The following DYRK1A variants were observed in gnomAD, a reference collection of about 807,000 sequenced individuals.
The protein encoded by DYRK1A is dual specificity tyrosine-phosphorylation-regulated kinase 1A.
A neutral mutation model predicts 79.7 loss-of-function variants in DYRK1A; 9 were observed. The ratio of observed to expected loss-of-function variants is 0.11; its 90% CI spans 0.07 to 0.20. The LOEUF (loss-of-function observed/expected upper bound fraction) is 0.20. Among genes scored for constraint, DYRK1A ranks in the 10% least tolerant of loss-of-function variants. DYRK1A has a pLI of 1.00. For missense variants in DYRK1A, 622 were observed against 956.0 expected (o/e 0.65, Z 4.61); for synonymous variants, 349 against 329.7 (o/e 1.06, Z -0.63).
intron 2 of DYRK1A, among the ~76,000 whole-genome samples, chr21:37,436,252 TAAG>T (rs1266806575): frequency 1.3e-5 from 2 of 152,108 alleles, no homozygotes; most frequent in South Asian, 2.1e-4. Flanking sequence ...TAGAGAGTAA[TAAG>T]AAGAAAGAGC....
chr21:37,388,799 C>T (rs2049813743), intron 1 of DYRK1A, among the ~76,000 whole-genome samples: 1 of 151,788 alleles, frequency 6.6e-6, no homozygotes, highest in Non-Finnish European at 1.5e-5. Context: ...TGCCCACCAT[C>T]ATGCCCGGCT....
At position 37,519,877 on chromosome 21, in the gene DYRK1A, G is replaced by A. The variant is rs969676744; in HGVS notation, c.*7346G>A. The A allele has an allele frequency of 6.6e-6, 1 of 152,004 alleles. No individual in the cohort carries two copies. The highest frequency in any genetic ancestry group is 1.5e-5 in the Non-Finnish European group (1 of 68,116). The allele number at this position is 152,004 out of a possible 1,614,324, so 9.4% of individuals were successfully genotyped here. On this transcript the variant is annotated 3_prime_UTR_variant, in exon 12 of 12. Transcript: ENST00000647188. ...CTGCCTCAGCCTCCAGAGTAGCTGG[G>A]ACTACTGGCGCCCGCCACCACGCCC...
intron 2 of DYRK1A, among the ~76,000 whole-genome samples, chr21:37,434,162 T>C (rs995933249): frequency 6.6e-6 from 1 of 152,204 alleles, no homozygotes; most frequent in Non-Finnish European, 1.5e-5. Context: ...GCTCTTCTCT[T>C]GGAATCTGAT....
At chr21:37,492,536 C>T (rs1248754801) in intron 7 of DYRK1A, among the ~76,000 whole-genome samples, 1 of 152,110 alleles carries the variant, frequency 6.6e-6, no homozygotes, top group Non-Finnish European at 1.5e-5. Context: ...TGTGAGACAG[C>T]AAGAGTACAA....
intron 9 of DYRK1A, chr21:37,501,707 A>G (rs924220371): frequency 6.6e-6 from 1 of 152,218 alleles, no homozygotes; most frequent in South Asian, 2.1e-4. Context: ...TGTGCTTGAT[A>G]AGAATTGTAT....
At chr21:37,453,328 A>G (rs8133809) in intron 2 of DYRK1A, among the ~76,000 whole-genome samples, 67,354 of 152,022 alleles carry the variant, frequency 0.44, 15,703 homozygotes, top group East Asian at 0.57. Context: ...ACATATGACT[A>G]TTGTTGACTG....
chr21:37,497,775 G>T (rs1319201850), intron 9 of DYRK1A, among the ~76,000 whole-genome samples: 1 of 151,904 alleles, frequency 6.6e-6, no homozygotes, highest in Non-Finnish European at 1.5e-5. Context: ...AGTTATTTGG[G>T]GTGGGGGCAT....
chr21:37,428,686 G>T (rs1324728149), intron 2 of DYRK1A, among the ~76,000 whole-genome samples: 2 of 152,074 alleles, frequency 1.3e-5, no homozygotes, highest in Non-Finnish European at 2.9e-5. Flanking sequence ...GAAAATTATA[G>T]ATTTGGCCAT....
intron 1 of DYRK1A, among the ~76,000 whole-genome samples, chr21:37,397,665 A>G (rs1263397902): frequency 1.3e-5 from 2 of 152,162 alleles, no homozygotes; most frequent in Non-Finnish European, 2.9e-5. Context: ...AAAGTTGGCC[A>G]TGTTTCAGAA....
At chr21:37,416,317 C>CTTTTTT (rs775621138) in intron 1 of DYRK1A, among the ~76,000 whole-genome samples, 10,226 of 97,090 alleles carry the variant, frequency 0.11, 562 homozygotes, top group South Asian at 0.2. Context: ...GTGTTTTGGC[C>CTTTTTT]TTTTTTTTTT....
intron 1 of DYRK1A, among the ~76,000 whole-genome samples, chr21:37,373,720 A>T (rs2049479833): frequency 6.6e-6 from 1 of 152,194 alleles, no homozygotes; most frequent in Non-Finnish European, 1.5e-5. Flanking sequence ...ATTTTTCTTC[A>T]TACCCTATTG....
At chr21:37,484,168 A>G (rs1412615496) in intron 5 of DYRK1A, among the ~76,000 whole-genome samples, 2 of 152,042 alleles carry the variant, frequency 1.3e-5, no homozygotes, top group Non-Finnish European at 2.9e-5. Context: ...TGAAAATCTA[A>G]TGCCTAATGA....
chr21:37,436,633 C>T (rs543162447), intron 2 of DYRK1A, among the ~76,000 whole-genome samples: 3 of 152,260 alleles, frequency 2.0e-5, no homozygotes, highest in African/African-American at 7.2e-5. Flanking sequence ...TAAAGTGTAT[C>T]CCTTTAATTG....
chr21:37,384,684 AGCAG>A (rs2049725516), intron 1 of DYRK1A, among the ~76,000 whole-genome samples: 1 of 152,212 alleles, frequency 6.6e-6, no homozygotes, highest in East Asian at 1.9e-4. Context: ...TAGGAGATCA[AGCAG>A]TTGAAACCTA....
chr21:37,413,146 G>T (rs1188521349), intron 1 of DYRK1A, among the ~76,000 whole-genome samples: 5 of 152,172 alleles, frequency 3.3e-5, no homozygotes, highest in Admixed American at 3.3e-4. Flanking sequence ...AGAAGTGTGG[G>T]AGGGGAAGTA....
intron 1 of DYRK1A, among the ~76,000 whole-genome samples, chr21:37,403,023 C>T (rs2050081059): frequency 6.6e-6 from 1 of 152,114 alleles, no homozygotes; most frequent in African/African-American, 2.4e-5. Flanking sequence ...CCTCAGCCTC[C>T]CAAAGTGCTG....
intron 2 of DYRK1A, among the ~76,000 whole-genome samples, chr21:37,440,130 CTTTTTTTTTTT>C (rs1164986221): frequency 2.9e-4 from 11 of 37,760 alleles, no homozygotes; most frequent in Non-Finnish European, 3.6e-4. Flanking sequence ...TTGTTTGCTC[CTTTTTTTTTTT>C]TTTTTTTTTT....
chr21:37,423,968 A>G (rs965980605), intron 2 of DYRK1A, among the ~76,000 whole-genome samples: 3 of 152,158 alleles, frequency 2.0e-5, no homozygotes, highest in Admixed American at 2.0e-4. Context: ...ATTTTGTAGG[A>G]CAAAATTTTC....
intron 2 of DYRK1A, among the ~76,000 whole-genome samples, chr21:37,421,559 C>G (rs540797345): frequency 3.3e-5 from 5 of 152,184 alleles, no homozygotes; most frequent in Admixed American, 2.0e-4. Flanking sequence ...CATGCATGCA[C>G]ACAGGCTTGC....
Sources: allele counts gnomAD v4.1 joint callset (sites outside exome capture counted in the v4.1 genomes callset), GRCh38; gene constraint gnomAD v4.1.1; transcripts MANE v1.5; gene names NCBI Gene and HGNC (gene_info 2026-07-23, HGNC 2026-07-21).